GPT2: variants seen among roughly 807,000 people sequenced by gnomAD.
GPT2 encodes the protein glutamic--pyruvic transaminase 2, also known as alanine aminotransferase 2.
Under a neutral mutation model 56.9 loss-of-function variants are expected in GPT2, and 30 were observed. The ratio of observed to expected loss-of-function variants is 0.53; its 90% CI spans 0.39 to 0.72. The LOEUF (loss-of-function observed/expected upper bound fraction) is 0.72. Among genes scored for constraint, GPT2 ranks in the 30% least tolerant of loss-of-function variants. GPT2 has a pLI of 0.00. For missense variants in GPT2, 542 were observed against 703.4 expected, an observed-to-expected ratio of 0.77 and a Z score of 2.60; for synonymous variants, 271 against 283.1, an observed-to-expected ratio of 0.96 and a Z score of 0.43.
chr16:46,929,991 G>T lies in GPT2; in HGVS notation c.*994G>T, dbSNP rs556539951. On this transcript the variant is annotated 3_prime_UTR_variant, in exon 12 of 12. Coordinates refer to ENST00000340124, the MANE Select transcript of GPT2 (RefSeq NM_133443.4). ...AGCAGCCAAGGCCCTGTCCTTTCTT[G>T]AATGGTGGCGAGCTGAATCTGGTCG... The T allele has an allele frequency of 6.5e-6, 1 of 152,994 alleles. No homozygotes were observed. Among genetic ancestry groups the T allele is most frequent in the South Asian group, 2.1e-4 (1 of 4,830 alleles). The allele number at this position is 152,994 out of a possible 1,614,324, so 9.5% of individuals were successfully genotyped here. A position where few individuals can be genotyped will look rare whatever the true frequency, so the allele number is the denominator to read the frequency against.
In GPT2 at chr16:46,924,552, G is replaced by A; in HGVS notation, c.1368+8G>A. The stretch of plus-strand genomic sequence containing the variant: ...GCTGTGGAGGCTGCTCAGGTCTGGG[G>A]CATGGGCTGGGCTGGCTCTCTCTTA... On this transcript the variant is annotated splice_region_variant and intron_variant, in intron 10 of 11. Transcript: ENST00000340124. The A allele has an allele frequency of 6.2e-7, 1 of 1,613,704 alleles. No homozygotes were observed. The highest frequency in any genetic ancestry group is 8.5e-7 in the Non-Finnish European group (1 of 1,179,640).
intron 2 of GPT2, among the ~76,000 whole-genome samples, chr16:46,894,146 A>G (rs1960639906): frequency 6.6e-6 from 1 of 152,192 alleles, no homozygotes; most frequent in African/African-American, 2.4e-5. Context: ...CCAAGACCCA[A>G]GAATGGAGGT....
chr16:46,898,730 G>T (rs1349702882), intron 3 of GPT2, among the ~76,000 whole-genome samples: 1 of 150,180 alleles, frequency 6.7e-6, no homozygotes, highest in Non-Finnish European at 1.5e-5. Context: ...TTGTATTTTT[G>T]GTAGAGATGG....
chr16:46,893,804 G>A (rs1313888134), intron 2 of GPT2, among the ~76,000 whole-genome samples: 2 of 152,194 alleles, frequency 1.3e-5, no homozygotes, highest in South Asian at 2.1e-4. Context: ...GGATTCGAAG[G>A]TGGCTCTAGA....
At chr16:46,927,772 G>A (rs1191813237) in intron 11 of GPT2, among the ~76,000 whole-genome samples, 2 of 152,110 alleles carry the variant, frequency 1.3e-5, no homozygotes, top group African/African-American at 2.4e-5. Context: ...CCCACCCCTG[G>A]TCAGGCTCAT....
At chr16:46,905,579 C>G (rs1960908937) in intron 4 of GPT2, among the ~76,000 whole-genome samples, 1 of 152,172 alleles carries the variant, frequency 6.6e-6, no homozygotes, top group African/African-American at 2.4e-5. Context: ...ACCCCCAGCC[C>G]CCATGCACTT....
chr16:46,921,119 CT>C (rs764638590), intron 8 of GPT2, among the ~76,000 whole-genome samples: 5 of 152,204 alleles, frequency 3.3e-5, no homozygotes, highest in Non-Finnish European at 7.3e-5. Flanking sequence ...AGATGGGAAT[CT>C]TTGCCAGTTC....
chr16:46,917,421 C>G (rs1168421411), intron 7 of GPT2, among the ~76,000 whole-genome samples: 1 of 152,190 alleles, frequency 6.6e-6, no homozygotes, highest in Non-Finnish European at 1.5e-5. Flanking sequence ...CCCAGCGCTT[C>G]TGTATCTACT....
intron 2 of GPT2, chr16:46,885,404 G>C: frequency 1.2e-6 from 1 of 852,260 alleles, no homozygotes; most frequent in Non-Finnish European, 1.4e-6. Flanking sequence ...GACGGGGTGG[G>C]GGGGGCTCTG....
At chr16:46,913,254 G>A (rs1181974727) in intron 6 of GPT2, among the ~76,000 whole-genome samples, 1 of 152,168 alleles carries the variant, frequency 6.6e-6, no homozygotes, top group Non-Finnish European at 1.5e-5. Context: ...TCTTTTTAAG[G>A]CTCTGGTTCT....
At chr16:46,918,356 G>C (rs1001189118) in intron 7 of GPT2, among the ~76,000 whole-genome samples, 2 of 152,180 alleles carry the variant, frequency 1.3e-5, no homozygotes, top group African/African-American at 4.8e-5. Flanking sequence ...GGGGTGGAAG[G>C]GAAGTCTGGG....
intron 9 of GPT2, 141 bp from the exon 10 acceptor site, chr16:46,924,248 A>G (rs539345983): frequency 3.4e-6 from 3 of 889,372 alleles, no homozygotes; most frequent in East Asian, 2.6e-5. Context: ...GAGTCAACGC[A>G]TGGGTCAGAG....
At chr16:46,913,181 C>T (rs1394942537) in intron 6 of GPT2, among the ~76,000 whole-genome samples, 2 of 152,218 alleles carry the variant, frequency 1.3e-5, no homozygotes, top group East Asian at 1.9e-4. Context: ...CTTATCCTCA[C>T]GCTGTGTGTA....
intron 11 of GPT2, 138 bp downstream of exon 11, chr16:46,927,175 C>T: frequency 2.0e-6 from 1 of 494,154 alleles, no homozygotes; most frequent in Middle Eastern, 5.4e-4. Flanking sequence ...CCTACTCTGT[C>T]CTGCTGCAGA....
At chr16:46,916,375 G>C (rs1167235064) in intron 6 of GPT2, 3 of 370,788 alleles carry the variant, frequency 8.1e-6, no homozygotes, top group Non-Finnish European at 1.5e-5. Flanking sequence ...AAATAAGAGA[G>C]CCAGGTGAGA....
At position 46,898,839 on chromosome 16, in the gene GPT2, C is replaced by A. The variant is rs562385798; in HGVS notation, c.333+1102C>A. Reference sequence around the variant, plus strand: ...TGCTGCGATTACAGGCGTGAGCCACCATACCTGGCCTGTTTTATTTATATT... The same window carrying A: ...TGCTGCGATTACAGGCGTGAGCCACAATACCTGGCCTGTTTTATTTATATT... On this transcript the variant is annotated intron_variant, in intron 3 of 11. Transcript: ENST00000340124. Among the ~76,000 whole-genome samples, 99 of 148,776 alleles carry A rather than the reference C, an allele frequency of 6.7e-4. 4 individuals are homozygous for A. The South Asian group carries it at 0.021, about 31-fold the overall frequency.
chr16:46,892,445 A>G (rs1030945243), intron 2 of GPT2, among the ~76,000 whole-genome samples: 4 of 152,118 alleles, frequency 2.6e-5, no homozygotes, highest in African/African-American at 9.7e-5. Flanking sequence ...TCAGATCTCT[A>G]CCCAGCAGTG....
At position 46,928,901 on chromosome 16, in the gene GPT2, T is replaced by C. The variant is rs755751309; in HGVS notation, c.1482-6T>C. ...GCCAGGCTGACACTGTTGTCTCTCC[T>C]GCCAGGATGACTATCCTCCCTCCAG... is the stretch of plus-strand genomic sequence containing the variant. On this transcript the variant is annotated splice_region_variant and splice_polypyrimidine_tract_variant and intron_variant, in intron 11 of 11. Coordinates refer to ENST00000340124, the MANE Select transcript of GPT2 (RefSeq NM_133443.4). 19 of 1,611,396 alleles carry C rather than the reference T, an allele frequency of 1.2e-5. No individual in the cohort carries two copies. The Middle Eastern group carries it at 5.0e-4, about 42-fold the overall frequency.
At chr16:46,928,845 TG>T in intron 11 of GPT2, 61 bp from the exon 12 acceptor site, 1 of 1,270,122 alleles carries the variant, frequency 7.9e-7, no homozygotes, top group Non-Finnish European at 1.2e-6. Flanking sequence ...GTTTAGCTGC[TG>T]GATTCGTTCC....
Sources: gnomAD v4.1 joint callset for allele counts (sites outside exome capture counted in the v4.1 genomes callset) on GRCh38, gnomAD v4.1.1 for gene constraint, MANE v1.5 for transcripts, NCBI Gene and HGNC (gene_info 2026-07-23, HGNC 2026-07-21) for gene names.